Variants in SGCZ observed in about 807,000 individuals in gnomAD.
SGCZ encodes sarcoglycan zeta.
Under a neutral mutation model 41.3 loss-of-function variants are expected in SGCZ, and 40 were observed. The ratio of observed to expected loss-of-function variants is 0.97; its 90% CI spans 0.75 to 1.26. SGCZ has a LOEUF of 1.26. Among genes scored for constraint, SGCZ ranks in the 50% most tolerant of loss-of-function variants. The probability of loss-of-function intolerance (pLI) is 0.00; values close to 1 mark genes in which losing one functional copy is unlikely to be tolerated. For synonymous variants in SGCZ, 206 were observed against 137.5 expected, an observed-to-expected ratio of 1.50 and a Z score of -3.49; for missense variants, 552 against 369.8, an observed-to-expected ratio of 1.49 and a Z score of -4.04.
chr8:14,679,472 T>C (rs897954920), intron 1 of SGCZ, among the ~76,000 whole-genome samples: 2 of 151,384 alleles, frequency 1.3e-5, no homozygotes, highest in Admixed American at 6.6e-5. Context: ...CGTGTATTAG[T>C]TTTTATCAAA....
intron 1 of SGCZ, among the ~76,000 whole-genome samples, chr8:14,829,725 T>A (rs184982687): frequency 6.6e-6 from 1 of 152,070 alleles, no homozygotes; most frequent in East Asian, 1.9e-4. Context: ...TAAAGTTGGA[T>A]GTTTAATTTA....
At chr8:14,268,039 A>C (rs1333236927) in intron 3 of SGCZ, among the ~76,000 whole-genome samples, 1 of 151,258 alleles carries the variant, frequency 6.6e-6, no homozygotes, top group Non-Finnish European at 1.5e-5. Flanking sequence ...AGCCTAATTT[A>C]CTTTTTCTTC....
intron 2 of SGCZ, among the ~76,000 whole-genome samples, chr8:14,385,070 T>C (rs1274260414): frequency 2.0e-5 from 3 of 152,196 alleles, no homozygotes; most frequent in South Asian, 4.1e-4. Context: ...AGTTTAGTGA[T>C]GTGCTGATAG....
chr8:15,003,639 A>G (rs1273181947), intron 1 of SGCZ, among the ~76,000 whole-genome samples: 1 of 152,182 alleles, frequency 6.6e-6, no homozygotes, highest in Non-Finnish European at 1.5e-5. Context: ...TGAAAACATA[A>G]CATGTTTTTA....
At chr8:15,039,931 A>T (rs1033720772) in intron 1 of SGCZ, among the ~76,000 whole-genome samples, 8 of 152,330 alleles carry the variant, frequency 5.3e-5, no homozygotes, top group Middle Eastern at 6.8e-3. Context: ...TTGGCACACT[A>T]CTGACTTAAA....
rs74426913 is a variant in SGCZ, at chr8:15,189,579, G to C, written c.39+48006C>G. The stretch of plus-strand genomic sequence containing the variant: ...AGGACCTTGAAGCATTTTTTTTTTT[G>C]AGATAGAGTCTTGCTCTATTGCCCA... On this transcript the variant is annotated intron_variant, in intron 1 of 7. Coordinates refer to ENST00000382080, the MANE Select transcript of SGCZ (RefSeq NM_139167.4). Among the ~76,000 whole-genome samples, 970 of 133,874 alleles carry C rather than the reference G, an allele frequency of 7.2e-3. 14 individuals are homozygous for C. Among genetic ancestry groups the C allele is most frequent in the African/African-American group, 0.023 (908 of 38,934 alleles). 87.8% of individuals were successfully genotyped at this position (133,874 alleles called of 152,430 possible). A position where few individuals can be genotyped will look rare whatever the true frequency, so the allele number is the denominator to read the frequency against.
chr8:14,300,120 A>T (rs904560334), intron 3 of SGCZ, among the ~76,000 whole-genome samples: 8 of 152,022 alleles, frequency 5.3e-5, no homozygotes, highest in Non-Finnish European at 7.4e-5. Context: ...AGGAAATAGC[A>T]ACATTTTGAT....
intron 1 of SGCZ, among the ~76,000 whole-genome samples, chr8:14,600,685 C>A (rs916037662): frequency 1.3e-5 from 2 of 152,064 alleles, no homozygotes; most frequent in African/African-American, 4.8e-5. Context: ...TCTGATTCAG[C>A]CTGTGATGGC....
chr8:14,171,830 A>G (rs930086753), intron 4 of SGCZ, among the ~76,000 whole-genome samples: 13 of 152,142 alleles, frequency 8.5e-5, no homozygotes, highest in Non-Finnish European at 1.6e-4. Context: ...GATAACAGTA[A>G]GATTTCTTGT....
At chr8:14,595,039 T>A (rs527598200) in intron 1 of SGCZ, among the ~76,000 whole-genome samples, 2 of 150,658 alleles carry the variant, frequency 1.3e-5, no homozygotes, top group Admixed American at 6.6e-5. Context: ...TCTAATACTT[T>A]TTGAATTATA....
At chr8:14,229,100 T>C (rs1408097509) in intron 4 of SGCZ, among the ~76,000 whole-genome samples, 1 of 152,136 alleles carries the variant, frequency 6.6e-6, no homozygotes, top group African/African-American at 2.4e-5. Flanking sequence ...TTTCAGGTTT[T>C]AGTCTAGGTC....
At chr8:14,572,968 A>G (rs1804598940) in intron 1 of SGCZ, among the ~76,000 whole-genome samples, 2 of 152,188 alleles carry the variant, frequency 1.3e-5, no homozygotes, top group South Asian at 4.1e-4. Flanking sequence ...ATATCACAAC[A>G]TATAATACAC....
At chr8:15,005,783 C>G (rs1221619732) in intron 1 of SGCZ, among the ~76,000 whole-genome samples, 4 of 152,252 alleles carry the variant, frequency 2.6e-5, no homozygotes, top group East Asian at 3.9e-4. Context: ...CTTAACTAGT[C>G]TTTATTATGC....
At chr8:14,406,636 G>T (rs1195203572) in intron 2 of SGCZ, among the ~76,000 whole-genome samples, 3 of 152,018 alleles carry the variant, frequency 2.0e-5, no homozygotes, top group Admixed American at 6.6e-5. Flanking sequence ...ACAAGTACAG[G>T]GCAGAAGCGC....
In SGCZ at chr8:14,702,824, G is replaced by GATAGATAGATAGATAC. The variant is rs1412179521; in HGVS notation, c.40-147899_40-147898insGTATCTATCTATCTAT. 4.6e-3 allele frequency among the ~76,000 whole-genome samples: 115 copies of GATAGATAGATAGATAC among 25,224 alleles called. 3 individuals carry two copies. The highest frequency in any genetic ancestry group is 0.013 in the African/African-American group (114 of 8,976). 16.5% of individuals were successfully genotyped at this position (25,224 alleles called of 152,430 possible). A position where few individuals can be genotyped will look rare whatever the true frequency, so the allele number is the denominator to read the frequency against. On this transcript the variant is annotated intron_variant, in intron 1 of 7. Coordinates refer to ENST00000382080, the MANE Select transcript of SGCZ (RefSeq NM_139167.4). Reference sequence around the variant, plus strand: ...AGGTAGGTAGTTAGGTAGATAGATAGATAGATAGATAGATAGATAGATAGA... The same window carrying GATAGATAGATAGATAC: ...AGGTAGGTAGTTAGGTAGATAGATAGATAGATAGATAGATACATAGATAGATAGATAGATAGATAGA...
chr8:14,834,752 A>C (rs1802640891), intron 1 of SGCZ, among the ~76,000 whole-genome samples: 1 of 152,164 alleles, frequency 6.6e-6, no homozygotes. Flanking sequence ...CGTACAGAAT[A>C]TTTGGAGAGC....
intron 4 of SGCZ, among the ~76,000 whole-genome samples, chr8:14,220,892 T>C (rs1806169719): frequency 6.6e-6 from 1 of 152,218 alleles, no homozygotes; most frequent in South Asian, 2.1e-4. Context: ...CATTTCAAAA[T>C]TTGTTATCTT....
intron 4 of SGCZ, among the ~76,000 whole-genome samples, chr8:14,232,460 TCTTC>T (rs1806605875): frequency 6.6e-6 from 1 of 152,088 alleles, no homozygotes; most frequent in South Asian, 2.1e-4. Context: ...CAAATGACAT[TCTTC>T]CTTATTAACA....
At chr8:14,741,452 C>T (rs1044636229) in intron 1 of SGCZ, among the ~76,000 whole-genome samples, 20 of 151,960 alleles carry the variant, frequency 1.3e-4, no homozygotes, top group African/African-American at 3.4e-4. Flanking sequence ...GTTTGTTTTA[C>T]GTTTTATAAC....
Sources: gnomAD v4.1 joint callset for allele counts (sites outside exome capture counted in the v4.1 genomes callset) on GRCh38, gnomAD v4.1.1 for gene constraint, MANE v1.5 for transcripts, NCBI Gene and HGNC (gene_info 2026-07-23, HGNC 2026-07-21) for gene names.